Variants in KCNK10 observed in about 807,000 individuals in gnomAD.
The protein encoded by KCNK10 is potassium two pore domain channel subfamily K member 10, also known as potassium channel subfamily K member 10.
Under a neutral mutation model 47.7 loss-of-function variants are expected in KCNK10, and 25 were observed. That is an observed-to-expected ratio of 0.52 (90% CI 0.38 to 0.73). The LOEUF (loss-of-function observed/expected upper bound fraction) is 0.73, where lower values mean the gene tolerates loss of function less well. KCNK10 is among the 30% of genes least tolerant of loss of function. KCNK10 has a pLI of 0.00. For missense variants in KCNK10, 563 were observed against 714.5 expected (o/e 0.79, Z 2.42); for synonymous variants, 303 against 285.6 (o/e 1.06, Z -0.61).
intron 4 of KCNK10, among the ~76,000 whole-genome samples, chr14:88,192,679 T>C (rs1490709455): frequency 6.6e-6 from 1 of 152,200 alleles, no homozygotes; most frequent in Non-Finnish European, 1.5e-5. Context: ...AGCCAATGCT[T>C]TGAATGTTTC....
chr14:88,307,105 T>C (rs1888218319), intron 1 of KCNK10, among the ~76,000 whole-genome samples: 2 of 152,158 alleles, frequency 1.3e-5, no homozygotes, highest in African/African-American at 4.8e-5. Context: ...GCCAAGGTCT[T>C]GCCTTGGAGC....
upstream of KCNK10, chr14:88,326,683 T>C (rs1354058993): frequency 3.6e-6 from 2 of 560,978 alleles, no homozygotes; most frequent in Non-Finnish European, 6.3e-6. Flanking sequence ...AAAGCGCTGC[T>C]ACCGGGCACG....
intron 2 of KCNK10, among the ~76,000 whole-genome samples, chr14:88,262,078 T>C (rs1324224370): frequency 2.0e-5 from 3 of 152,224 alleles, no homozygotes; most frequent in Non-Finnish European, 4.4e-5. Context: ...CGCAGACTGG[T>C]AAATCCTACA....
chr14:88,259,257 A>G lies in KCNK10; in HGVS notation c.402+3945T>C, dbSNP rs1163668955. ...TCAGTGAACTGAAGGGCAAAATGTAATGATTTGGTGCAATGATTTGACACA... is the reference window on the plus strand; with the variant it reads ...TCAGTGAACTGAAGGGCAAAATGTAGTGATTTGGTGCAATGATTTGACACA... On this transcript the variant is annotated intron_variant, in intron 2 of 6. Coordinates refer to ENST00000319231, the MANE Select transcript of KCNK10 (RefSeq NM_138317.3). 3.3e-5 allele frequency among the ~76,000 whole-genome samples: 5 copies of G among 152,222 alleles called. No homozygotes were observed. The East Asian group carries it at 9.6e-4, about 29-fold the overall frequency.
chr14:88,205,638 G>A (rs577052746), intron 4 of KCNK10, among the ~76,000 whole-genome samples: 80 of 144,690 alleles, frequency 5.5e-4, no homozygotes, highest in Admixed American at 3.6e-3. Context: ...TCTGCCTCCC[G>A]GGTTCAAGTG....
At chr14:88,277,609 A>G (rs1165403618) in intron 1 of KCNK10, among the ~76,000 whole-genome samples, 1 of 152,154 alleles carries the variant, frequency 6.6e-6, no homozygotes, top group Non-Finnish European at 1.5e-5. Context: ...TGATTAGTGA[A>G]GTCTTCGAGG....
At chr14:88,221,426 T>C (rs980172150) in intron 4 of KCNK10, among the ~76,000 whole-genome samples, 1 of 152,108 alleles carries the variant, frequency 6.6e-6, no homozygotes, top group African/African-American at 2.4e-5. Context: ...CCAAAGAAGA[T>C]ATACAGATGG....
At chr14:88,294,233 G>A (rs1347976980) in intron 1 of KCNK10, among the ~76,000 whole-genome samples, 1 of 152,210 alleles carries the variant, frequency 6.6e-6, no homozygotes, top group Non-Finnish European at 1.5e-5. Context: ...CCCTAGACAG[G>A]CCAATCAGGA....
intron 1 of KCNK10, among the ~76,000 whole-genome samples, chr14:88,283,739 G>A (rs575439194): frequency 9.9e-5 from 15 of 152,056 alleles, no homozygotes; most frequent in African/African-American, 2.9e-4. Flanking sequence ...GTGAAACCCC[G>A]TCTCTACCAA....
At chr14:88,221,500 GA>G (rs1246632909) in intron 4 of KCNK10, among the ~76,000 whole-genome samples, 1 of 152,126 alleles carries the variant, frequency 6.6e-6, no homozygotes, top group Non-Finnish European at 1.5e-5. Context: ...ATTAAAGCAA[GA>G]TACCACTACA....
At chr14:88,326,389 T>G (rs760155456), upstream of KCNK10, 2 of 1,603,200 alleles carry the variant, frequency 1.2e-6, no homozygotes, top group South Asian at 2.2e-5. Flanking sequence ...GTTCTACCCT[T>G]TGGTTATTTA....
At position 88,186,288 on chromosome 14, in the gene KCNK10, A is replaced by C. The variant is rs1884559854; in HGVS notation, c.1012-133T>G. On this transcript the variant is annotated intron_variant, in intron 6 of 6. Transcript: ENST00000319231. This position sits in a 1 kb window ranked among gnomAD's most constrained non-coding sequence, Gnocchi z 5.5. The stretch of plus-strand genomic sequence containing the variant: ...GGAGCACATGCCCAGGGGGAGGTGC[A>C]AATGCTACCTTCTGCCCTAGTACTT... The C allele has an allele frequency of 2.8e-6, 3 of 1,065,418 alleles. No individual in the cohort carries two copies. The highest frequency in any genetic ancestry group is 3.9e-6 in the Non-Finnish European group (3 of 760,224). 66.0% of individuals were successfully genotyped at this position (1,065,418 alleles called of 1,614,324 possible).
In KCNK10 at chr14:88,257,239, A is replaced by G. The variant is rs561277537; in HGVS notation, c.402+5963T>C. Among the ~76,000 whole-genome samples the G allele has an allele frequency of 7.9e-5, 12 of 152,182 alleles. 1 individual carries two copies. The South Asian group carries it at 2.5e-3, about 32-fold the overall frequency. ...TTCCTCATTGCTAAAAGGTTTTTTC[A>G]GCAGCCAATTTCCATCTTCCAAGCC... On this transcript the variant is annotated intron_variant, in intron 2 of 6. Coordinates refer to ENST00000319231, the MANE Select transcript of KCNK10 (RefSeq NM_138317.3).
intron 2 of KCNK10, among the ~76,000 whole-genome samples, chr14:88,261,500 C>G (rs1219520793): frequency 6.6e-6 from 1 of 152,184 alleles, no homozygotes; most frequent in Non-Finnish European, 1.5e-5. Context: ...CACCTGTAAT[C>G]CCAGCACTTT....
intron 2 of KCNK10, among the ~76,000 whole-genome samples, chr14:88,250,061 GA>G (rs994754727): frequency 2.0e-5 from 3 of 151,998 alleles, no homozygotes; most frequent in South Asian, 4.1e-4. Flanking sequence ...TGCACATTTG[GA>G]AAAAAATGCA....
intron 4 of KCNK10, among the ~76,000 whole-genome samples, chr14:88,217,983 A>G (rs1885677915): frequency 2.0e-5 from 3 of 152,080 alleles, no homozygotes; most frequent in South Asian, 4.2e-4. Flanking sequence ...TCTGCCTCCC[A>G]AAGTGCTGGG....
chr14:88,318,445 G>A (rs928116154), intron 1 of KCNK10, among the ~76,000 whole-genome samples: 4 of 152,230 alleles, frequency 2.6e-5, no homozygotes, highest in African/African-American at 9.6e-5. Flanking sequence ...ATCATGACAA[G>A]TGCCAGTAAG....
At chr14:88,198,270 C>G (rs1884987307) in intron 4 of KCNK10, among the ~76,000 whole-genome samples, 2 of 152,154 alleles carry the variant, frequency 1.3e-5, no homozygotes, top group Admixed American at 1.3e-4. Flanking sequence ...GGGTCCTTCT[C>G]TTTGGTTGAA....
At chr14:88,266,463 C>T (rs1234693714) in intron 1 of KCNK10, among the ~76,000 whole-genome samples, 2 of 152,188 alleles carry the variant, frequency 1.3e-5, no homozygotes, top group East Asian at 1.9e-4. Flanking sequence ...GCAGGCCCAG[C>T]GTGCTGATCT....
Sources: allele counts gnomAD v4.1 joint callset (sites outside exome capture counted in the v4.1 genomes callset), GRCh38; gene constraint gnomAD v4.1.1; non-coding constraint Gnocchi (gnomAD v3.1); transcripts MANE v1.5; gene names NCBI Gene and HGNC (gene_info 2026-07-23, HGNC 2026-07-21).